The following WDR72 variants were observed in gnomAD, a reference collection of about 807,000 sequenced individuals.
WDR72 encodes the protein WD repeat-containing protein 72.
In WDR72, 120 loss-of-function variants were observed where a neutral mutation model predicts 124.2. The ratio of observed to expected loss-of-function variants is 0.97; its 90% CI spans 0.83 to 1.12. The LOEUF is 1.12. Among genes scored for constraint, WDR72 ranks in the 50% most tolerant of loss-of-function variants. The probability of loss-of-function intolerance (pLI) is 0.00; values close to 1 mark genes in which losing one functional copy is unlikely to be tolerated. For synonymous variants in WDR72, 452 were observed against 441.7 expected (o/e 1.02, Z -0.29); for missense variants, 1,387 against 1,278.8 (o/e 1.08, Z -1.29).
rs545085500 is a variant in WDR72 at position 53,571,940 on chromosome 15, G to A, written c.3148+25139C>T. 5.3e-5 allele frequency among the ~76,000 whole-genome samples: 8 copies of A among 152,030 alleles called. No homozygotes were observed. In the South Asian group the frequency reaches 1.7e-3, roughly 32 times the overall value. Reference sequence around the variant, plus strand: ...TAGGTGAGAATGATATCTCATTGTAGTTTTGACTTGCAATTCCCTGATGAT... The same window carrying A: ...TAGGTGAGAATGATATCTCATTGTAATTTTGACTTGCAATTCCCTGATGAT... On this transcript the variant is annotated intron_variant, in intron 18 of 19. Coordinates refer to ENST00000360509, the MANE Select transcript of WDR72 (RefSeq NM_182758.4).
chr15:53,519,627 C>T (rs1891671780), intron 19 of WDR72, among the ~76,000 whole-genome samples: 1 of 152,044 alleles, frequency 6.6e-6, no homozygotes, highest in South Asian at 2.1e-4. Context: ...TCAGACAAGA[C>T]CTCCAGGTTC....
At chr15:53,757,289 A>G (rs2018933853) in intron 1 of WDR72, among the ~76,000 whole-genome samples, 1 of 152,066 alleles carries the variant, frequency 6.6e-6, no homozygotes, top group South Asian at 2.1e-4. Context: ...CATATAGAAA[A>G]GGCCTCCAGA....
chr15:53,615,802 G>C lies in WDR72; in HGVS notation c.2404C>G (p.Leu802Val). ...TCTTTATCCACTCCCCATGGCAAAA[G>C]GCAAGACAGAAACAATTTTGCTGTG... The part of the protein sequence containing the change: ...IDTAKLFLSC[L>V]LPWGVDKDLD... The change falls in exon 15 of 20, where the codon CTT (leucine) becomes GTT (valine). Residue 802 changes from leucine to valine, a missense_variant. By Grantham distance (32) the Leu-to-Val change is conservative (BLOSUM62 1). Coordinates refer to ENST00000360509, the MANE Select transcript of WDR72 (RefSeq NM_182758.4). The C allele has an allele frequency of 6.2e-7, 1 of 1,613,592 alleles. No individual in the cohort carries two copies. Among genetic ancestry groups the C allele is most frequent in the Non-Finnish European group, 8.5e-7 (1 of 1,179,678 alleles).
At chr15:53,598,180 T>G (rs1194374910) in intron 17 of WDR72, among the ~76,000 whole-genome samples, 2 of 151,590 alleles carry the variant, frequency 1.3e-5, no homozygotes, top group African/African-American at 4.9e-5. Flanking sequence ...TAGGGACACC[T>G]TCTCATCACT....
chr15:53,623,177 G>A (rs1279254834), intron 14 of WDR72, among the ~76,000 whole-genome samples: 3 of 151,854 alleles, frequency 2.0e-5, no homozygotes, highest in Admixed American at 6.6e-5. Context: ...GGCTACATCT[G>A]CAGATTTGTG....
intron 18 of WDR72, among the ~76,000 whole-genome samples, chr15:53,553,568 A>G (rs187308273): frequency 3.3e-5 from 5 of 152,266 alleles, no homozygotes; most frequent in African/African-American, 1.2e-4. Flanking sequence ...TGGTCAAGGT[A>G]TTTCTTCCAC....
rs536274401 is a variant in WDR72, at chr15:53,670,931, C to G, written c.1766-5163G>C. 1.1e-4 allele frequency among the ~76,000 whole-genome samples: 16 copies of G among 152,222 alleles called. No homozygotes were observed. In the South Asian group the frequency reaches 3.1e-3, roughly 30 times the overall value. On this transcript the variant is annotated intron_variant, in intron 13 of 19. Coordinates refer to ENST00000360509, the MANE Select transcript of WDR72 (RefSeq NM_182758.4). ...CTGGGCATATGGCCAGCTTGGGCCC[C>G]CAGGGCTTCCTACCTGAGACTTGAA... is the stretch of plus-strand genomic sequence containing the variant.
intron 13 of WDR72, among the ~76,000 whole-genome samples, chr15:53,673,100 G>T (rs1450779368): frequency 6.6e-6 from 1 of 151,944 alleles, no homozygotes; most frequent in Non-Finnish European, 1.5e-5. Context: ...CAGCCAGCCT[G>T]GGTGACAGAA....
intron 18 of WDR72, among the ~76,000 whole-genome samples, chr15:53,526,614 C>G (rs1892131893): frequency 6.6e-6 from 1 of 151,748 alleles, no homozygotes; most frequent in South Asian, 2.1e-4. Context: ...CATGGTGGGC[C>G]CATTTATCAC....
intron 18 of WDR72, among the ~76,000 whole-genome samples, chr15:53,568,693 C>T (rs905104811): frequency 1.3e-5 from 2 of 151,918 alleles, no homozygotes; most frequent in Non-Finnish European, 2.9e-5. Context: ...TTGAAAAGTT[C>T]CTCATCAATT....
At chr15:53,575,883 G>T (rs554176615) in intron 18 of WDR72, among the ~76,000 whole-genome samples, 3 of 152,146 alleles carry the variant, frequency 2.0e-5, no homozygotes, top group Non-Finnish European at 4.4e-5. Context: ...TATCTACCAG[G>T]GTAGAACTGG....
At position 53,650,893 on chromosome 15, in the gene WDR72, G is replaced by GTTTTTTTTT. The variant is rs71297666; in HGVS notation, c.1962+14670_1962+14678dup. 1.0e-3 allele frequency among the ~76,000 whole-genome samples: 112 copies of GTTTTTTTTT among 106,754 alleles called. 2 individuals carry two copies. Among genetic ancestry groups the GTTTTTTTTT allele is most frequent in the African/African-American group, 4.0e-3 (107 of 26,470 alleles). The allele number at this position is 106,754 out of a possible 152,430, so 70.0% of individuals were successfully genotyped here. A position where few individuals can be genotyped will look rare whatever the true frequency, so the allele number is the denominator to read the frequency against. ...CAGACACACTCTCTCCTCTAATTCA[G>GTTTTTTTTT]TTTTTTTTTTTTTTTTTTTTTTTAC... is the stretch of plus-strand genomic sequence containing the variant. On this transcript the variant is annotated intron_variant, in intron 14 of 19. Transcript: ENST00000360509.
At chr15:53,745,951 G>A (rs2018633909) in intron 1 of WDR72, among the ~76,000 whole-genome samples, 1 of 152,136 alleles carries the variant, frequency 6.6e-6, no homozygotes, top group African/African-American at 2.4e-5. Context: ...TTGCCCATCG[G>A]AAATTCTTAG....
intron 2 of WDR72, among the ~76,000 whole-genome samples, chr15:53,726,202 G>GTA (rs1344363076): frequency 2.1e-4 from 29 of 139,432 alleles, no homozygotes; most frequent in African/African-American, 7.7e-4. Flanking sequence ...ATGTGTGTGT[G>GTA]TATATATATA....
chr15:53,715,050 G>A, intron 5 of WDR72, 143 bp downstream of exon 5: 4 of 898,008 alleles, frequency 4.5e-6, no homozygotes. Flanking sequence ...TCTTGATCAG[G>A]TGTATTACAG....
At chr15:53,674,592 A>G (rs1283351978) in intron 13 of WDR72, among the ~76,000 whole-genome samples, 1 of 152,182 alleles carries the variant, frequency 6.6e-6, no homozygotes, top group East Asian at 1.9e-4. Context: ...TTAAAACATT[A>G]AATTAGGGAT....
intron 14 of WDR72, among the ~76,000 whole-genome samples, chr15:53,641,884 T>G (rs919963482): frequency 2.6e-5 from 4 of 151,960 alleles, no homozygotes; most frequent in Non-Finnish European, 5.9e-5. Context: ...ATGCAGAGTG[T>G]CCACTATTAC....
At chr15:53,681,246 A>G (rs1214410763) in intron 13 of WDR72, among the ~76,000 whole-genome samples, 2 of 152,252 alleles carry the variant, frequency 1.3e-5, no homozygotes, top group African/African-American at 4.8e-5. Flanking sequence ...GCAGCTGGCT[A>G]CTGGGAAGTT....
chr15:53,675,102 T>C (rs1309666879), intron 13 of WDR72, among the ~76,000 whole-genome samples: 2 of 152,138 alleles, frequency 1.3e-5, no homozygotes, highest in South Asian at 4.1e-4. Flanking sequence ...ACTATGACTT[T>C]GGGAGGCCGA....
Sources: gnomAD v4.1 joint callset for allele counts (sites outside exome capture counted in the v4.1 genomes callset) on GRCh38, gnomAD v4.1.1 for gene constraint, MANE v1.5 for transcripts, NCBI Gene and HGNC (gene_info 2026-07-23, HGNC 2026-07-21) for gene names.